CNTNAP2: variants seen among roughly 807,000 people sequenced by gnomAD.
The protein encoded by CNTNAP2 is contactin associated protein 2.
In CNTNAP2, 98 loss-of-function variants were observed where a neutral mutation model predicts 155.2. The observed-to-expected ratio is 0.63, with a 90% CI of 0.54 to 0.75. The LOEUF (loss-of-function observed/expected upper bound fraction) is 0.75, where lower values mean the gene tolerates loss of function less well. CNTNAP2 is among the 30% of genes least tolerant of loss of function. The pLI is 0.00. For missense variants in CNTNAP2, 1,727 were observed against 1,688.1 expected, an observed-to-expected ratio of 1.02 and a Z score of -0.40; for synonymous variants, 651 against 631.2, an observed-to-expected ratio of 1.03 and a Z score of -0.47.
At chr7:147,063,496 G>A (rs1799722084) in intron 4 of CNTNAP2, among the ~76,000 whole-genome samples, 1 of 152,096 alleles carries the variant, frequency 6.6e-6, no homozygotes, top group Non-Finnish European at 1.5e-5. Context: ...GGAGATAACA[G>A]CAATCTCAGT....
intron 1 of CNTNAP2, among the ~76,000 whole-genome samples, chr7:146,510,307 C>T (rs1797447333): frequency 6.6e-6 from 1 of 152,206 alleles, no homozygotes; most frequent in Admixed American, 6.5e-5. Flanking sequence ...CACTCCAAAC[C>T]TGCTGTGTCG....
chr7:146,789,705 T>A (rs1259434070), intron 2 of CNTNAP2, among the ~76,000 whole-genome samples: 1 of 151,524 alleles, frequency 6.6e-6, no homozygotes, highest in Non-Finnish European at 1.5e-5. Flanking sequence ...GAAAAGAATT[T>A]AAATAAGAAA....
At chr7:148,249,550 C>T (rs1191794454) in intron 20 of CNTNAP2, among the ~76,000 whole-genome samples, 2 of 152,188 alleles carry the variant, frequency 1.3e-5, no homozygotes, top group South Asian at 2.1e-4. Context: ...TGCCGACTCA[C>T]ACACCAAACT....
intron 21 of CNTNAP2, among the ~76,000 whole-genome samples, chr7:148,363,445 G>T (rs1482400028): frequency 1.3e-5 from 2 of 152,096 alleles, no homozygotes; most frequent in African/African-American, 4.8e-5. Flanking sequence ...ATTATTTTTT[G>T]ACTGAATTAG....
At position 147,910,295 on chromosome 7, in the gene CNTNAP2, G is replaced by A. The variant is rs180926991; in HGVS notation, c.2255+6574G>A. Reference sequence around the variant, plus strand: ...CATTCGTCATGTTGTTTAAATAATAGTAGTTACATGTCAGCCACTGTTCAT... The same window carrying A: ...CATTCGTCATGTTGTTTAAATAATAATAGTTACATGTCAGCCACTGTTCAT... On this transcript the variant is annotated intron_variant, in intron 14 of 23. Coordinates refer to ENST00000361727, the MANE Select transcript of CNTNAP2 (RefSeq NM_014141.6). Among the ~76,000 whole-genome samples the A allele has an allele frequency of 7.9e-4, 121 of 152,206 alleles. 1 individual carries two copies. Among genetic ancestry groups the A allele is most frequent in the African/African-American group, 2.7e-3 (113 of 41,530 alleles).
chr7:146,483,324 T>TATATATATATATATAC, intron 1 of CNTNAP2, among the ~76,000 whole-genome samples: 1 of 83,790 alleles, frequency 1.2e-5, no homozygotes, highest in East Asian at 2.8e-4. Flanking sequence ...TATATATATA[T>TATATATATATATATAC]ATATACATAT....
At position 147,346,153 on chromosome 7, in the gene CNTNAP2, A is replaced by AT. The variant is rs1276421589; in HGVS notation, c.1498+45875dup. On this transcript the variant is annotated intron_variant, in intron 9 of 23. Transcript: ENST00000361727. ...ATTTTATTTTATTTTATTTTATTTT[A>AT]TTTTTTTTTTTTGAGACAGAGTCTC... 3.2e-4 allele frequency among the ~76,000 whole-genome samples: 14 copies of AT among 43,646 alleles called. 1 individual carries two copies. The highest frequency in any genetic ancestry group is 1.8e-3 in the South Asian group (3 of 1,708). 28.6% of individuals were successfully genotyped at this position (43,646 alleles called of 152,430 possible). A position where few individuals can be genotyped will look rare whatever the true frequency, so the allele number is the denominator to read the frequency against.
chr7:147,153,295 G>GA (rs150185117), intron 8 of CNTNAP2, among the ~76,000 whole-genome samples: 2,080 of 152,156 alleles, frequency 0.014, 48 homozygotes, highest in African/African-American at 0.047. Flanking sequence ...TGTAGAAGTA[G>GA]CAAACATAGC....
intron 12 of CNTNAP2, among the ~76,000 whole-genome samples, chr7:147,625,556 C>CA (rs1466169536): frequency 6.6e-6 from 1 of 151,516 alleles, no homozygotes; most frequent in Non-Finnish European, 1.5e-5. Context: ...TCACAATTAC[C>CA]AAAAAATTAT....
chr7:146,458,647 G>A (rs1391751890), intron 1 of CNTNAP2, among the ~76,000 whole-genome samples: 1 of 152,146 alleles, frequency 6.6e-6, no homozygotes, highest in Non-Finnish European at 1.5e-5. Flanking sequence ...GGGCTATGGG[G>A]TACCCAGATA....
chr7:146,665,309 G>A (rs1203260567), intron 1 of CNTNAP2, among the ~76,000 whole-genome samples: 2 of 152,092 alleles, frequency 1.3e-5, no homozygotes, highest in Admixed American at 6.6e-5. Flanking sequence ...TCTGGATAAC[G>A]ATTTATTACT....
At chr7:146,692,302 T>C (rs1346096799) in intron 1 of CNTNAP2, among the ~76,000 whole-genome samples, 1 of 152,148 alleles carries the variant, frequency 6.6e-6, no homozygotes, top group African/African-American at 2.4e-5. Flanking sequence ...GTATTTGAAT[T>C]GACATTTTCC....
chr7:147,887,576 T>C (rs753711112), intron 13 of CNTNAP2, among the ~76,000 whole-genome samples: 6 of 152,204 alleles, frequency 3.9e-5, no homozygotes, highest in Non-Finnish European at 7.3e-5. Context: ...AGAAAAATCA[T>C]GAACCAAGGT....
At chr7:146,652,363 T>A (rs565628150) in intron 1 of CNTNAP2, among the ~76,000 whole-genome samples, 1 of 152,158 alleles carries the variant, frequency 6.6e-6, no homozygotes, top group East Asian at 1.9e-4. Flanking sequence ...TATCTCACTG[T>A]GGGCTACTTC....
chr7:146,585,613 A>G (rs1798676940), intron 1 of CNTNAP2, among the ~76,000 whole-genome samples: 1 of 152,128 alleles, frequency 6.6e-6, no homozygotes. Context: ...TTATTTTAAG[A>G]ATTCAGAGTT....
At chr7:147,992,205 C>T (rs1801723303) in intron 15 of CNTNAP2, among the ~76,000 whole-genome samples, 1 of 146,794 alleles carries the variant, frequency 6.8e-6, no homozygotes, top group South Asian at 2.2e-4. Flanking sequence ...AGCAATTCTC[C>T]TGCCTCAGCC....
chr7:146,341,401 A>C (rs182160244), intron 1 of CNTNAP2, among the ~76,000 whole-genome samples: 14 of 152,314 alleles, frequency 9.2e-5, no homozygotes, highest in Admixed American at 7.2e-4. Flanking sequence ...GATTGTAAGT[A>C]CTTTCCATTA....
chr7:147,504,144 G>A (rs530679501), intron 11 of CNTNAP2, among the ~76,000 whole-genome samples: 15 of 152,230 alleles, frequency 9.9e-5, no homozygotes, highest in African/African-American at 3.4e-4. Flanking sequence ...CCTGGAGACT[G>A]GGAAGTGGTT....
At chr7:147,721,607 G>A (rs1021339323) in intron 13 of CNTNAP2, among the ~76,000 whole-genome samples, 1 of 151,938 alleles carries the variant, frequency 6.6e-6, no homozygotes, top group Non-Finnish European at 1.5e-5. Flanking sequence ...TTAACGTTGT[G>A]CCATTTCTTC....
Sources: gnomAD v4.1 joint callset for allele counts (sites outside exome capture counted in the v4.1 genomes callset) on GRCh38, gnomAD v4.1.1 for gene constraint, MANE v1.5 for transcripts, NCBI Gene and HGNC (gene_info 2026-07-23, HGNC 2026-07-21) for gene names.